The following SERPINB2 variants were observed in gnomAD, a reference collection of about 807,000 sequenced individuals.
SERPINB2 encodes plasminogen activator inhibitor 2.
SERPINB2 carries 28 observed loss-of-function variants against 39.4 expected under a neutral mutation model. The ratio of observed to expected loss-of-function variants is 0.71; its 90% confidence interval spans 0.53 to 0.97. The LOEUF is 0.97. Among genes scored for constraint, SERPINB2 ranks in the 50% least tolerant of loss-of-function variants. The probability of loss-of-function intolerance (pLI) is 0.00; values close to 1 mark genes in which losing one functional copy is unlikely to be tolerated. For synonymous variants in SERPINB2, 209 were observed against 175.1 expected (o/e 1.19, Z -1.53); for missense variants, 557 against 505.3 (o/e 1.10, Z -0.98).
At chr18:63,894,207 T>C (rs2049944583) in intron 2 of SERPINB2, among the ~76,000 whole-genome samples, 1 of 152,152 alleles carries the variant, frequency 6.6e-6, no homozygotes, top group Non-Finnish European at 1.5e-5. Flanking sequence ...TAAGGGTCAA[T>C]TTCCTTGGAA....
Position 63,893,078 on chromosome 18 carries a change from G to A in SERPINB2, c.168+1466G>A, listed in dbSNP as rs12373432. Among the ~76,000 whole-genome samples the A allele has an allele frequency of 1.6e-3, 236 of 152,076 alleles. 1 individual carries two copies. Among genetic ancestry groups the A allele is most frequent in the Non-Finnish European group, 3.0e-3 (205 of 67,992 alleles). Reference sequence around the variant, plus strand: ...CTCCCGAGTAGCTGGGATTACAGGCGCCTGCCACGATGCCCATCTAATTTT... The same window carrying A: ...CTCCCGAGTAGCTGGGATTACAGGCACCTGCCACGATGCCCATCTAATTTT... On this transcript the variant is annotated intron_variant, in intron 2 of 7. Coordinates refer to ENST00000299502, the MANE Select transcript of SERPINB2 (RefSeq NM_002575.3).
chr18:63,902,683 T>C, intron 7 of SERPINB2, 115 bp downstream of exon 7: 1 of 1,161,032 alleles, frequency 8.6e-7, no homozygotes, highest in East Asian at 2.4e-5. Flanking sequence ...TATGAAACAG[T>C]TGATAGTAAA....
chr18:63,903,604 G>A lies in SERPINB2; in HGVS notation c.*299G>A, dbSNP rs2050008935. 1 of 180,858 alleles carries A rather than the reference G, an allele frequency of 5.5e-6. No homozygotes were observed. The highest frequency in any genetic ancestry group is 1.1e-5 in the Non-Finnish European group (1 of 88,164). The allele number at this position is 180,858 out of a possible 1,614,324, so 11.2% of individuals were successfully genotyped here. ...TTGTTATTTATTATTTTATATAATGGTGAGTTTTTAAATTATTGCTCACTG... is the reference window on the plus strand; with the variant it reads ...TTGTTATTTATTATTTTATATAATGATGAGTTTTTAAATTATTGCTCACTG... On this transcript the variant is annotated 3_prime_UTR_variant, in exon 8 of 8. Coordinates refer to ENST00000299502, the MANE Select transcript of SERPINB2 (RefSeq NM_002575.3).
rs1335956105 is a variant in SERPINB2, at chr18:63,902,391, TTAA to T, written c.679-7_679-5del. The T allele has an allele frequency of 2.6e-6, 4 of 1,533,418 alleles. No individual in the cohort carries two copies. Among genetic ancestry groups the T allele is most frequent in the Non-Finnish European group, 3.5e-6 (4 of 1,139,362 alleles). The allele number at this position is 1,533,418 out of a possible 1,614,324, so 95.0% of individuals were successfully genotyped here. On this transcript the variant is annotated splice_polypyrimidine_tract_variant and intron_variant, in intron 6 of 7. Coordinates refer to ENST00000299502, the MANE Select transcript of SERPINB2 (RefSeq NM_002575.3). ...ATAATCGACTTCCATATTTTACCTTTTAATAATATTAGGCTCAGCGCACACCTG... is the reference window on the plus strand; with the variant it reads ...ATAATCGACTTCCATATTTTACCTTTTAATATTAGGCTCAGCGCACACCTG...
intron 1 of SERPINB2, among the ~76,000 whole-genome samples, chr18:63,888,402 T>C (rs2049905814): frequency 6.6e-6 from 1 of 152,228 alleles, no homozygotes; most frequent in African/African-American, 2.4e-5. Flanking sequence ...AAGATACTTA[T>C]TCATTATGAA....
intron 1 of SERPINB2, among the ~76,000 whole-genome samples, chr18:63,890,263 G>T (rs1360997674): frequency 6.6e-6 from 1 of 152,106 alleles, no homozygotes; most frequent in Non-Finnish European, 1.5e-5. Flanking sequence ...AGCGACCAAT[G>T]GTCCTTGTTG....
At chr18:63,891,046 C>T (rs2049922530) in intron 1 of SERPINB2, 2 of 187,240 alleles carry the variant, frequency 1.1e-5, no homozygotes, top group East Asian at 1.3e-4. Flanking sequence ...GCTTCAATTC[C>T]TACTCCTGTC....
chr18:63,901,347 T>C (rs2049989935), intron 5 of SERPINB2, among the ~76,000 whole-genome samples: 1 of 152,174 alleles, frequency 6.6e-6, no homozygotes, highest in Non-Finnish European at 1.5e-5. Flanking sequence ...ATCCTCAGAC[T>C]ATCTAGACCA....
rs565139632 is a variant in SERPINB2 at position 63,895,036 on chromosome 18, G to A, written c.169-228G>A. Among the ~76,000 whole-genome samples the A allele has an allele frequency of 4.6e-5, 7 of 152,174 alleles. No homozygotes were observed. In the East Asian group the frequency reaches 1.3e-3, roughly 29 times the overall value. ...ACAATTTGTTTTCCAAAATGGCCAG[G>A]ATATAAATTAATCTAAAACACCTCA... is the stretch of plus-strand genomic sequence containing the variant. On this transcript the variant is annotated intron_variant, in intron 2 of 7. Transcript: ENST00000299502.
intron 2 of SERPINB2, among the ~76,000 whole-genome samples, chr18:63,894,386 C>T (rs974139181): frequency 6.6e-6 from 1 of 152,166 alleles, no homozygotes; most frequent in Non-Finnish European, 1.5e-5. Context: ...CAGAAATTCA[C>T]CAACTTGCTG....
At chr18:63,901,938 T>C (rs1020486033) in intron 6 of SERPINB2, 56 bp downstream of exon 6, 73 of 1,519,334 alleles carry the variant, frequency 4.8e-5, no homozygotes, top group Non-Finnish European at 6.3e-5. Flanking sequence ...TTTGACAAGA[T>C]ATAGACAGAA....
chr18:63,902,376 T>A, intron 6 of SERPINB2, 28 bp from the exon 7 acceptor site: 1 of 1,523,034 alleles, frequency 6.6e-7, no homozygotes, highest in Non-Finnish European at 8.8e-7. Context: ...ATAATCGACT[T>A]CCATATTTTA....
chr18:63,899,837 T>C (rs926788958), intron 5 of SERPINB2, among the ~76,000 whole-genome samples: 4 of 152,208 alleles, frequency 2.6e-5, no homozygotes, highest in African/African-American at 9.6e-5. Context: ...CAATGGAAAA[T>C]GCACATAAAC....
At chr18:63,901,365 C>A (rs925796084) in intron 5 of SERPINB2, among the ~76,000 whole-genome samples, 1 of 152,120 alleles carries the variant, frequency 6.6e-6, no homozygotes, top group African/African-American at 2.4e-5. Flanking sequence ...CCAGATCTAG[C>A]AGTACATGAT....
intron 3 of SERPINB2, among the ~76,000 whole-genome samples, chr18:63,896,824 C>G (rs971092822): frequency 6.6e-6 from 1 of 152,138 alleles, no homozygotes; most frequent in Non-Finnish European, 1.5e-5. Context: ...TGAGAAGGGG[C>G]CTTTCTTCTA....
chr18:63,895,944 C>T (rs1262082133), intron 3 of SERPINB2, among the ~76,000 whole-genome samples: 3 of 152,142 alleles, frequency 2.0e-5, no homozygotes, highest in Admixed American at 1.3e-4. Flanking sequence ...TGTCATCTGT[C>T]TATCTTATCT....
chr18:63,894,473 G>T (rs565543182), intron 2 of SERPINB2, among the ~76,000 whole-genome samples: 22 of 152,230 alleles, frequency 1.4e-4, no homozygotes, highest in Non-Finnish European at 2.6e-4. Flanking sequence ...TCTCCTCAGG[G>T]ACCCCATAGG....
At chr18:63,888,081 A>G (rs1568233991) in intron 1 of SERPINB2, among the ~76,000 whole-genome samples, 1 of 152,216 alleles carries the variant, frequency 6.6e-6, no homozygotes, top group Non-Finnish European at 1.5e-5. Context: ...TATGTTCTCT[A>G]CTAGCTACTG....
At chr18:63,888,653 C>G (rs1236227243) in intron 1 of SERPINB2, among the ~76,000 whole-genome samples, 1 of 152,176 alleles carries the variant, frequency 6.6e-6, no homozygotes, top group Non-Finnish European at 1.5e-5. Context: ...TGACTCCTCC[C>G]AAATTCTTCC....
Sources: gnomAD v4.1 joint callset for allele counts (sites outside exome capture counted in the v4.1 genomes callset) on GRCh38, gnomAD v4.1.1 for gene constraint, MANE v1.5 for transcripts, NCBI Gene and HGNC (gene_info 2026-07-23, HGNC 2026-07-21) for gene names.